The following SLC39A8 variants were observed in gnomAD, a reference collection of about 807,000 sequenced individuals.
The protein encoded by SLC39A8 is metal cation symporter ZIP8.
In SLC39A8, 15 loss-of-function variants were observed where a neutral mutation model predicts 40.4. The ratio of observed to expected loss-of-function variants is 0.37; its 90% CI spans 0.25 to 0.57. SLC39A8 has a LOEUF of 0.57. SLC39A8 is among the 20% of genes least tolerant of loss of function. The pLI is 0.75. For missense variants in SLC39A8, 472 were observed against 558.8 expected, an observed-to-expected ratio of 0.84 and a Z score of 1.57; for synonymous variants, 223 against 221.6, an observed-to-expected ratio of 1.01 and a Z score of -0.06.
chr4:102,254,276 T>C (rs776885486), intron 11 of SLC39A8, among the ~76,000 whole-genome samples: 1 of 152,204 alleles, frequency 6.6e-6, no homozygotes, highest in Non-Finnish European at 1.5e-5. Context: ...CATGCCATGA[T>C]ACCCTTGAGA....
At chr4:102,258,254 G>T (rs1731759213), downstream of SLC39A8, among the ~76,000 whole-genome samples, 1 of 152,016 alleles carries the variant, frequency 6.6e-6, no homozygotes, top group Non-Finnish European at 1.5e-5. Flanking sequence ...ACAGGTGTGT[G>T]TAAGTACTAA....
At position 102,307,604 on chromosome 4, in the gene SLC39A8, A is replaced by G; in HGVS notation, c.384T>C (p.Val128=). The G allele has an allele frequency of 6.2e-7, 1 of 1,612,504 alleles. No homozygotes were observed. ...KHKTRPSHSE[V]WGYGFLSVTI... ...TCACTGACAGGAATCCATATCCCCA[A>G]ACTGTGGGTCAGAGGGAAAAGAGAG... The change falls in exon 4 of 9, where the codon GTT becomes GTC. Residue 128 remains valine (V), a splice_region_variant and synonymous_variant. Transcript: ENST00000356736.
chr4:102,284,410 G>A (rs1733058819), intron 6 of SLC39A8, among the ~76,000 whole-genome samples: 1 of 152,192 alleles, frequency 6.6e-6, no homozygotes, highest in Admixed American at 6.5e-5. Flanking sequence ...CAGAGCGCAT[G>A]AACATTTTCT....
chr4:102,306,625 G>T (rs969118559), intron 4 of SLC39A8, among the ~76,000 whole-genome samples: 4 of 151,852 alleles, frequency 2.6e-5, no homozygotes, highest in Non-Finnish European at 5.9e-5. Context: ...TCTGTATGGG[G>T]TTTGTCTCTC....
chr4:102,325,729 A>ATTTCAG (rs1183610596), intron 2 of SLC39A8, among the ~76,000 whole-genome samples: 8 of 151,972 alleles, frequency 5.3e-5, no homozygotes, highest in Admixed American at 3.9e-4. Flanking sequence ...ATGTACTTGT[A>ATTTCAG]TTTCAGTTTC....
At chr4:102,344,036 C>A (rs1271887505) in intron 2 of SLC39A8, among the ~76,000 whole-genome samples, 1 of 152,178 alleles carries the variant, frequency 6.6e-6, no homozygotes, top group African/African-American at 2.4e-5. Flanking sequence ...ACCAGGGTGG[C>A]ATGTGATAAT....
chr4:102,272,156 A>G (rs1732390075), intron 6 of SLC39A8, among the ~76,000 whole-genome samples: 2 of 152,094 alleles, frequency 1.3e-5, no homozygotes, highest in Non-Finnish European at 2.9e-5. Flanking sequence ...TGAACAACAT[A>G]ACTAGACCTC....
chr4:102,294,680 G>C (rs1733604165), intron 6 of SLC39A8, among the ~76,000 whole-genome samples: 1 of 151,850 alleles, frequency 6.6e-6, no homozygotes, highest in African/African-American at 2.4e-5. Flanking sequence ...AACCCTTATT[G>C]CAACAGTCTT....
intron 2 of SLC39A8, among the ~76,000 whole-genome samples, chr4:102,341,590 T>G (rs770001173): frequency 1.3e-5 from 2 of 152,218 alleles, no homozygotes; most frequent in Non-Finnish European, 2.9e-5. Context: ...CTCCCTCTTC[T>G]TTGTTGTTTT....
intron 2 of SLC39A8, among the ~76,000 whole-genome samples, chr4:102,329,771 T>C (rs1735369415): frequency 6.6e-6 from 1 of 152,000 alleles, no homozygotes; most frequent in Non-Finnish European, 1.5e-5. Flanking sequence ...ATTGACCACA[T>C]AATTGGAAGT....
chr4:102,292,722 G>A (rs72692226), intron 6 of SLC39A8, among the ~76,000 whole-genome samples: 2,731 of 152,140 alleles, frequency 0.018, 38 homozygotes, highest in Non-Finnish European at 0.03. Context: ...AATGTTAGAT[G>A]CTGTTTCTCT....
At chr4:102,279,379 A>T (rs1237082828) in intron 6 of SLC39A8, among the ~76,000 whole-genome samples, 1 of 152,176 alleles carries the variant, frequency 6.6e-6, no homozygotes, top group East Asian at 1.9e-4. Flanking sequence ...ATCAGGGGGA[A>T]TTGATTTTCT....
rs751437096 is a variant in SLC39A8, at chr4:102,344,591, C to T, written c.72G>A (p.Gly24=). 2.6e-6 allele frequency: 4 copies of T among 1,545,512 alleles called. No individual in the cohort carries two copies. The highest frequency in any genetic ancestry group is 2.0e-5 in the Admixed American group (1 of 50,590). Residue 24 remains glycine (G), a synonymous_variant, in exon 2 of 9, where the codon GGG becomes GGA. Coordinates refer to ENST00000356736, the MANE Select transcript of SLC39A8 (RefSeq NM_001135146.2). ...AAAGLGGVAE[G]PGLAFSEDVL... is the part of the protein sequence containing the mutation. ...CATCCTCGCTGAAGGCTAGCCCTGG[C>T]CCCTCCGCCACTCCTCCGAGGCCGG...
intron 3 of SLC39A8, among the ~76,000 whole-genome samples, chr4:102,308,878 C>A (rs1734304868): frequency 6.6e-6 from 1 of 152,038 alleles, no homozygotes; most frequent in African/African-American, 2.4e-5. Context: ...AATACTACTA[C>A]CTCCTTCATA....
At chr4:102,270,029 G>A (rs1216541910) in intron 6 of SLC39A8, among the ~76,000 whole-genome samples, 1 of 152,110 alleles carries the variant, frequency 6.6e-6, no homozygotes, top group Non-Finnish European at 1.5e-5. Context: ...GTGGTCATAG[G>A]GAAAGCCACA....
chr4:102,301,380 C>G (rs1277069279), intron 6 of SLC39A8, among the ~76,000 whole-genome samples: 2 of 152,048 alleles, frequency 1.3e-5, no homozygotes, highest in Non-Finnish European at 2.9e-5. Flanking sequence ...CAATTCCCTA[C>G]TGACACCTTG....
intron 4 of SLC39A8, 69 bp from the exon 5 acceptor site, chr4:102,305,180 A>C: frequency 6.8e-7 from 1 of 1,471,204 alleles, no homozygotes; most frequent in South Asian, 1.2e-5. Flanking sequence ...AAATAATACC[A>C]GTATGCAATT....
intron 1 of SLC39A8, 76 bp from the exon 2 acceptor site, chr4:102,344,991 G>A (rs1180414663): frequency 1.6e-5 from 16 of 973,740 alleles, no homozygotes; most frequent in South Asian, 4.7e-5. Flanking sequence ...GAAACGCTGC[G>A]TGGCAGTAGC....
downstream of SLC39A8, among the ~76,000 whole-genome samples, chr4:102,260,859 A>G (rs968653986): frequency 4.6e-5 from 7 of 152,182 alleles, no homozygotes; most frequent in African/African-American, 1.2e-4. Flanking sequence ...GGGGAAATGC[A>G]TGTCTTAGAA....
Sources: allele counts gnomAD v4.1 joint callset (sites outside exome capture counted in the v4.1 genomes callset), GRCh38; gene constraint gnomAD v4.1.1; transcripts MANE v1.5; gene names NCBI Gene and HGNC (gene_info 2026-07-23, HGNC 2026-07-21).